Variants in MYRFL observed in about 807,000 individuals in gnomAD.
MYRFL encodes the protein myelin regulatory factor-like protein.
MYRFL carries 88 observed loss-of-function variants against 109.4 expected under a neutral mutation model. That is an observed-to-expected ratio of 0.80 (90% CI 0.68 to 0.96). The LOEUF is 0.96. Among genes scored for constraint, MYRFL ranks in the 40% least tolerant of loss-of-function variants. The pLI is 0.00. For missense variants in MYRFL, 957 were observed against 954.9 expected (o/e 1.00, Z -0.03); for synonymous variants, 324 against 320.9 (o/e 1.01, Z -0.10).
intron 2 of MYRFL, among the ~76,000 whole-genome samples, chr12:69,874,678 T>C (rs1333605117): frequency 5.9e-5 from 9 of 152,142 alleles, no homozygotes; most frequent in Non-Finnish European, 1.3e-4. Flanking sequence ...AAAATATCTT[T>C]ATTTTGCTTT....
chr12:69,892,211 C>T (rs1035942358), intron 7 of MYRFL, among the ~76,000 whole-genome samples: 1 of 152,122 alleles, frequency 6.6e-6, no homozygotes, highest in Admixed American at 6.6e-5. Context: ...AGTCAACGCC[C>T]TCCTGTACAG....
chr12:69,869,467 T>C (rs1565982972), intron 2 of MYRFL, among the ~76,000 whole-genome samples: 4 of 151,772 alleles, frequency 2.6e-5, no homozygotes, highest in Admixed American at 6.6e-5. Context: ...CAAATAAGAG[T>C]AAGGCAAGGA....
chr12:69,833,027 CTT>C (rs1049973783), intron 1 of MYRFL, among the ~76,000 whole-genome samples: 2 of 150,920 alleles, frequency 1.3e-5, no homozygotes, highest in African/African-American at 4.9e-5. Flanking sequence ...TTTGAGATCT[CTT>C]TTAGACAACC....
intron 1 of MYRFL, among the ~76,000 whole-genome samples, chr12:69,831,816 T>C (rs1289990653): frequency 6.6e-6 from 1 of 152,168 alleles, no homozygotes; most frequent in Non-Finnish European, 1.5e-5. Context: ...TGCAAGGTCA[T>C]TTATTCCTTA....
rs1431357202 is a variant in MYRFL, at chr12:69,949,534, A to AC, written c.2225-2577dup. On this transcript the variant is annotated intron_variant, in intron 19 of 24. Coordinates refer to ENST00000552032, the MANE Select transcript of MYRFL (RefSeq NM_182530.3). Reference sequence around the variant, plus strand: ...GGCTGCATCTCAGGCCTTACTTTAGACCAAGCTTGTCCAACCCGCGGCCCA... The same window carrying AC: ...GGCTGCATCTCAGGCCTTACTTTAGACCCAAGCTTGTCCAACCCGCGGCCCA... 2.0e-5 allele frequency among the ~76,000 whole-genome samples: 3 copies of AC among 152,194 alleles called. No homozygotes were observed. In the East Asian group the frequency reaches 5.8e-4, roughly 29 times the overall value.
Position 69,895,409 on chromosome 12 carries a change from T to C in MYRFL, c.1019T>C (p.Leu340Pro), listed in dbSNP as rs1188963407. The change falls in exon 9 of 25, where the codon CTG becomes CCG. Residue 340 changes from leucine to proline, a missense_variant. By Grantham distance (98) the Leu-to-Pro change is moderately conservative (BLOSUM62 -3). Coordinates refer to ENST00000552032, the MANE Select transcript of MYRFL (RefSeq NM_182530.3). The stretch of plus-strand genomic sequence containing the variant: ...GCTGACCAGGTCACCAAAGTAACAC[T>C]GGGACGATTACACTTCAGCGAAACC... The part of the protein sequence containing the change: ...LLADQVTKVT[L>P]GRLHFSETTA... 1 of 1,535,564 alleles carries C rather than the reference T, an allele frequency of 6.5e-7. No individual in the cohort carries two copies. The highest frequency in any genetic ancestry group is 1.7e-4 in the Middle Eastern group (1 of 5,984).
At chr12:69,903,196 G>T (rs1954244482) in intron 10 of MYRFL, among the ~76,000 whole-genome samples, 1 of 152,116 alleles carries the variant, frequency 6.6e-6, no homozygotes, top group South Asian at 2.1e-4. Flanking sequence ...AAAGCATTTT[G>T]AAACTATAAT....
At chr12:69,878,205 T>C (rs982585332) in intron 2 of MYRFL, among the ~76,000 whole-genome samples, 2 of 139,944 alleles carry the variant, frequency 1.4e-5, no homozygotes, top group African/African-American at 5.4e-5. Flanking sequence ...ATCATGTCAC[T>C]GTACTCCAGC....
chr12:69,891,838 C>A (rs972326666), intron 7 of MYRFL, among the ~76,000 whole-genome samples: 1 of 151,684 alleles, frequency 6.6e-6, no homozygotes, highest in African/African-American at 2.4e-5. Flanking sequence ...CAGGTGTGTG[C>A]CACCATGCTG....
chr12:69,825,272 T>C lies in MYRFL; in HGVS notation c.-246T>C. On this transcript the variant is annotated 5_prime_UTR_variant, in exon 1 of 25. Coordinates refer to ENST00000552032, the MANE Select transcript of MYRFL (RefSeq NM_182530.3). ...TATTAAGACAGATGAATTTGCTACC[T>C]CTTCCCTCTTCATGAATTTTTTTTA... is the stretch of plus-strand genomic sequence containing the variant. The C allele has an allele frequency of 1.5e-6, 1 of 664,522 alleles. No individual in the cohort carries two copies. Among genetic ancestry groups the C allele is most frequent in the Non-Finnish European group, 2.7e-6 (1 of 366,680 alleles). The allele number at this position is 664,522 out of a possible 1,614,324, so 41.2% of individuals were successfully genotyped here.
chr12:69,844,394 C>T (rs1297880532), intron 1 of MYRFL, among the ~76,000 whole-genome samples: 2 of 151,982 alleles, frequency 1.3e-5, no homozygotes, highest in East Asian at 1.9e-4. Flanking sequence ...AATTGTGTGG[C>T]GGGTGTGGAG....
intron 2 of MYRFL, among the ~76,000 whole-genome samples, chr12:69,860,877 C>T (rs1884611625): frequency 7.5e-6 from 1 of 132,928 alleles, no homozygotes; most frequent in African/African-American, 2.8e-5. Flanking sequence ...TCTCCTAAAG[C>T]TATCCCTCCC....
intron 13 of MYRFL, among the ~76,000 whole-genome samples, chr12:69,919,009 A>G (rs1954827804): frequency 6.6e-6 from 1 of 152,120 alleles, no homozygotes; most frequent in Non-Finnish European, 1.5e-5. Flanking sequence ...CTATTGGTCA[A>G]TCTCTCCCAC....
intron 19 of MYRFL, among the ~76,000 whole-genome samples, chr12:69,938,954 C>T (rs968344344): frequency 3.9e-4 from 59 of 152,302 alleles, no homozygotes; most frequent in Non-Finnish European, 7.1e-4. Context: ...AAAATCGGGT[C>T]ACTCCCACCC....
rs1369858509 is a variant in MYRFL at position 69,861,197 on chromosome 12, G to A, written c.137+5827G>A. 3.7e-4 allele frequency among the ~76,000 whole-genome samples: 56 copies of A among 151,474 alleles called. 1 individual carries two copies. The highest frequency in any genetic ancestry group is 7.4e-4 in the Non-Finnish European group (50 of 67,910). ...AGTCTTTGCTATTGCGAATAGTGCC[G>A]CAATAAACATACATGTGCATGTGTC... On this transcript the variant is annotated intron_variant, in intron 2 of 24. Coordinates refer to ENST00000552032, the MANE Select transcript of MYRFL (RefSeq NM_182530.3).
At chr12:69,920,830 T>G (rs1663991105) in intron 13 of MYRFL, among the ~76,000 whole-genome samples, 1 of 152,216 alleles carries the variant, frequency 6.6e-6, no homozygotes, top group African/African-American at 2.4e-5. Flanking sequence ...TCCCATTGTT[T>G]CCATGTGCAA....
At chr12:69,943,593 T>A (rs1955736551) in intron 19 of MYRFL, among the ~76,000 whole-genome samples, 1 of 151,690 alleles carries the variant, frequency 6.6e-6, no homozygotes, top group Non-Finnish European at 1.5e-5. Flanking sequence ...GAAGAAAACC[T>A]AGGCATTGCC....
At position 69,894,958 on chromosome 12, in the gene MYRFL, A is replaced by C. The variant is rs141795882; in HGVS notation, c.981-413A>C. ...CTGCCTCCCACTGCTAGGCTAAGAG[A>C]GGCAAATATGTGAAGGGGATGCAAA... On this transcript the variant is annotated intron_variant, in intron 8 of 24. Coordinates refer to ENST00000552032, the MANE Select transcript of MYRFL (RefSeq NM_182530.3). Among the ~76,000 whole-genome samples, 306 of 152,328 alleles carry C rather than the reference A, an allele frequency of 2.0e-3. 1 individual carries two copies. The highest frequency in any genetic ancestry group is 6.4e-3 in the African/African-American group (266 of 41,580).
chr12:69,841,842 A>C (rs1883261046), intron 1 of MYRFL, among the ~76,000 whole-genome samples: 2 of 152,180 alleles, frequency 1.3e-5, no homozygotes, highest in Non-Finnish European at 2.9e-5. Context: ...ACAGAAACTA[A>C]TGGTAATGAC....
Sources: gnomAD v4.1 joint callset for allele counts (sites outside exome capture counted in the v4.1 genomes callset) on GRCh38, gnomAD v4.1.1 for gene constraint, MANE v1.5 for transcripts, NCBI Gene and HGNC (gene_info 2026-07-23, HGNC 2026-07-21) for gene names.